FRMPD3: variants seen among roughly 807,000 people sequenced by gnomAD.
The protein encoded by FRMPD3 is FERM and PDZ domain containing 3, also known as FERM and PDZ domain-containing protein 3.
Under a neutral mutation model 97.9 loss-of-function variants are expected in FRMPD3, and 42 were observed. The ratio of observed to expected loss-of-function variants is 0.43; its 90% CI spans 0.34 to 0.55. The LOEUF is 0.55. FRMPD3 is among the 20% of genes least tolerant of loss of function. The pLI, the probability that FRMPD3 is intolerant of heterozygous loss-of-function variation, is 0.03. For missense variants in FRMPD3, 1,303 were observed against 1,457.7 expected (o/e 0.89, Z 1.73); for synonymous variants, 577 against 581.1 (o/e 0.99, Z 0.10).
chrX:107,590,893 G>A (rs2147637002), intron 13 of FRMPD3, among the ~76,000 whole-genome samples: 1 of 112,132 alleles, frequency 8.9e-6, no homozygotes, highest in Admixed American at 9.5e-5. Flanking sequence ...TATCAAGGTA[G>A]TACTGGCCTC....
At chrX:107,514,420 T>C (rs1008421981) in intron 1 of FRMPD3, among the ~76,000 whole-genome samples, 4 of 111,420 alleles carry the variant, frequency 3.6e-5, no homozygotes, top group African/African-American at 1.3e-4. Context: ...AGGAGGCTGC[T>C]GCAGCAACTC....
chrX:107,591,401 C>T (rs752697930), intron 13 of FRMPD3, among the ~76,000 whole-genome samples: 4 of 111,944 alleles, frequency 3.6e-5, no homozygotes, highest in African/African-American at 1.3e-4. Context: ...AAGTGATCCA[C>T]CTACCTCGGC....
intron 4 of FRMPD3, among the ~76,000 whole-genome samples, chrX:107,542,206 T>C (rs772364278): frequency 9.8e-5 from 11 of 112,699 alleles, no homozygotes; most frequent in African/African-American, 3.5e-4. Context: ...CTGCTCAGGA[T>C]TGGAGCACCA....
At chrX:107,475,181 A>G (rs1012055049) in intron 1 of FRMPD3, among the ~76,000 whole-genome samples, 3 of 111,404 alleles carry the variant, frequency 2.7e-5, no homozygotes, top group African/African-American at 9.8e-5. Flanking sequence ...ATATGTGTGT[A>G]TGAGAGAGAT....
intron 13 of FRMPD3, among the ~76,000 whole-genome samples, chrX:107,580,696 T>C (rs1436726054): frequency 1.8e-5 from 2 of 111,491 alleles, no homozygotes; most frequent in African/African-American, 6.5e-5. Flanking sequence ...AATGAACTTA[T>C]AGTTCATACT....
At chrX:107,562,598 C>G (rs1293125476) in intron 10 of FRMPD3, among the ~76,000 whole-genome samples, 2 of 111,563 alleles carry the variant, frequency 1.8e-5, no homozygotes, top group Non-Finnish European at 3.8e-5. Flanking sequence ...ACTGCTGGCT[C>G]TCACATGAGG....
rs1258329006 is a variant in FRMPD3, at chrX:107,601,633, C to T, written c.3594C>T (p.His1198=). ...RKLETTLNGA[H]STSEGPAKPK... ...TTGAAACAACTCTCAATGGAGCCCACTCGACCTCTGAAGGCCCTGCCAAAC... is the reference window on the plus strand; with the variant it reads ...TTGAAACAACTCTCAATGGAGCCCATTCGACCTCTGAAGGCCCTGCCAAAC... The change falls in exon 15 of 15, where the codon CAC becomes CAT. Residue 1198 remains histidine (H), a synonymous_variant. Transcript: ENST00000683843. 8.3e-6 allele frequency: 10 copies of T among 1,209,424 alleles called. No homozygotes were observed. The highest frequency in any genetic ancestry group is 1.1e-5 in the Non-Finnish European group (10 of 895,190).
rs1398369082 is a variant in FRMPD3, at chrX:107,581,699, T to TAC, written c.1441+5241_1441+5242dup. On this transcript the variant is annotated intron_variant, in intron 13 of 14. Coordinates refer to ENST00000683843, the MANE Select transcript of FRMPD3 (RefSeq NM_001388459.1). ...TCCCAGCCCTAAGCAACCATTGGTC[T>TAC]ACTTTCAGTCTATAGCTTTGCCTAT... is the stretch of plus-strand genomic sequence containing the variant. 4.5e-5 allele frequency among the ~76,000 whole-genome samples: 5 copies of TAC among 111,854 alleles called. No individual in the cohort carries two copies. In the South Asian group the frequency reaches 1.5e-3, roughly 33 times the overall value.
chrX:107,559,329 G>A (rs1169885967), intron 8 of FRMPD3, among the ~76,000 whole-genome samples: 2 of 111,526 alleles, frequency 1.8e-5, no homozygotes, highest in Non-Finnish European at 3.8e-5. Context: ...GAGGTATACA[G>A]GAGGATTTGC....
intron 13 of FRMPD3, among the ~76,000 whole-genome samples, chrX:107,583,369 G>C (rs184460629): frequency 9.0e-6 from 1 of 111,153 alleles, no homozygotes; most frequent in Non-Finnish European, 1.9e-5. Context: ...TTAGTTTGCT[G>C]AAGATGATGG....
chrX:107,528,287 C>T (rs1230002516), intron 2 of FRMPD3, among the ~76,000 whole-genome samples: 1 of 111,798 alleles, frequency 8.9e-6, no homozygotes, highest in Non-Finnish European at 1.9e-5. Context: ...AAGTGTCCTA[C>T]AGAGGAGCAA....
At chrX:107,519,496 T>A (rs1922441771) in intron 1 of FRMPD3, among the ~76,000 whole-genome samples, 1 of 111,387 alleles carries the variant, frequency 9.0e-6, no homozygotes, top group Non-Finnish European at 1.9e-5. Context: ...CCTGTCTCAA[T>A]CAATCGAATC....
chrX:107,587,567 T>C (rs889365387), intron 13 of FRMPD3, among the ~76,000 whole-genome samples: 2 of 111,978 alleles, frequency 1.8e-5, no homozygotes, highest in Non-Finnish European at 3.8e-5. Flanking sequence ...TATTTTGGTG[T>C]GTTTTTACAG....
chrX:107,466,989 G>GGGGT (rs1931576827), intron 1 of FRMPD3, among the ~76,000 whole-genome samples: 2 of 98,172 alleles, frequency 2.0e-5, no homozygotes, highest in Middle Eastern at 0.01. Flanking sequence ...ACAGGTTGGA[G>GGGGT]GTGTGTGTGT....
chrX:107,507,493 G>GCTTCGGAAGTGT (rs1235162190), intron 1 of FRMPD3, among the ~76,000 whole-genome samples: 2 of 111,113 alleles, frequency 1.8e-5, no homozygotes, highest in Non-Finnish European at 3.8e-5. Context: ...CCGCCGTTAC[G>GCTTCGGAAGTGT]CTTCGGAAGT....
At position 107,552,824 on chromosome X, in the gene FRMPD3, T is replaced by C; in HGVS notation, c.540T>C (p.Leu180=). 1 of 1,210,211 alleles carries C rather than the reference T, an allele frequency of 8.3e-7. No individual in the cohort carries two copies. The highest frequency in any genetic ancestry group is 1.1e-6 in the Non-Finnish European group (1 of 894,943). The change falls in exon 7 of 15, where the codon CTT becomes CTC. Residue 180 remains leucine (L), a synonymous_variant. Transcript: ENST00000683843. ...TGATGTTGACATTACAGGACCGCCT[T>C]TCCCTGAGGTTCATTGAGCACTTTG... is the stretch of plus-strand genomic sequence containing the variant. The part of the protein sequence containing the change: ...KDVMLTLQDR[L]SLRFIEHFAL...
chrX:107,599,267 TAA>T (rs763839878), intron 14 of FRMPD3, among the ~76,000 whole-genome samples: 3 of 95,717 alleles, frequency 3.1e-5, no homozygotes, highest in Admixed American at 1.1e-4. Context: ...AGTGAGACTC[TAA>T]AAAAAAAAAA....
chrX:107,545,060 A>C (rs1205057976), intron 4 of FRMPD3: 1 of 112,147 alleles, frequency 8.9e-6, no homozygotes, highest in Non-Finnish European at 1.9e-5. Context: ...AGCCTAGGCG[A>C]CAAGAGTGAA....
At chrX:107,496,853 T>G (rs1217744485) in intron 1 of FRMPD3, among the ~76,000 whole-genome samples, 10 of 111,994 alleles carry the variant, frequency 8.9e-5, no homozygotes, top group African/African-American at 1.6e-4. Flanking sequence ...GCAACAGCAG[T>G]GGGTTGCCAG....
Sources: allele counts gnomAD v4.1 joint callset (sites outside exome capture counted in the v4.1 genomes callset), GRCh38; gene constraint gnomAD v4.1.1; transcripts MANE v1.5; gene names NCBI Gene and HGNC (gene_info 2026-07-23, HGNC 2026-07-21).